The following GLRA2 variants were observed in gnomAD, a reference collection of about 807,000 sequenced individuals.
GLRA2 encodes glycine receptor subunit alpha-2.
Under a neutral mutation model 31.6 loss-of-function variants are expected in GLRA2, and 11 were observed. The ratio of observed to expected loss-of-function variants is 0.35; its 90% CI spans 0.22 to 0.58. The LOEUF is 0.58. Ranked by LOEUF, GLRA2 falls within the 20% of genes least tolerant of loss-of-function variation. The pLI, the probability that GLRA2 is intolerant of heterozygous loss-of-function variation, is 0.84. For missense variants in GLRA2, 212 were observed against 351.8 expected, an observed-to-expected ratio of 0.60 and a Z score of 3.18; for synonymous variants, 132 against 134.0, an observed-to-expected ratio of 0.99 and a Z score of 0.10.
the GLRA2 span, among the ~76,000 whole-genome samples, chrX:14,472,634 T>C: frequency 4.5e-5 from 5 of 111,559 alleles, no homozygotes; most frequent in Non-Finnish European, 9.4e-5. Context: ...AGGAGGTATT[T>C]GGTTTTCTGT....
chrX:14,581,257 C>G lies in GLRA2; in HGVS notation c.345C>G (p.Asp115Glu). Residue 115 changes from aspartate (D) to glutamate (E), a missense_variant, in exon 4 of 9, where the codon GAC (aspartate) becomes GAG (glutamate). This residue lies in a region of GLRA2 where 110 missense variants were observed against 232.6 expected (regional missense o/e 0.47). Transcript: ENST00000218075. ...SRLAYSEYPD[D>E]SLDLDPSMLD... ...TGGCGTACAGTGAGTACCCAGATGA[C>G]TCCCTGGACTTGGACCCATCCATGC... The G allele has an allele frequency of 8.4e-7, 1 of 1,188,742 alleles. No homozygotes were observed. The highest frequency in any genetic ancestry group is 1.1e-6 in the Non-Finnish European group (1 of 874,475).
chrX:14,598,147 ACT>A (rs902658890), intron 4 of GLRA2, among the ~76,000 whole-genome samples: 3 of 110,595 alleles, frequency 2.7e-5, no homozygotes, highest in African/African-American at 9.9e-5. Context: ...TACCCCCAAG[ACT>A]CTCTTGTTCG....
At chrX:14,463,201 G>A in the GLRA2 span, among the ~76,000 whole-genome samples, 1 of 111,570 alleles carries the variant, frequency 9.0e-6, no homozygotes, top group Non-Finnish European at 1.9e-5. Flanking sequence ...AAATGTTGCT[G>A]CCCAATACTT....
chrX:14,502,797 G>A, the GLRA2 span, among the ~76,000 whole-genome samples: 1 of 103,015 alleles, frequency 9.7e-6, no homozygotes, highest in Non-Finnish European at 2.0e-5. Flanking sequence ...ATATCATGGC[G>A]TTTTTGTACT....
chrX:14,577,127 TCA>T (rs1447102485), intron 3 of GLRA2, among the ~76,000 whole-genome samples: 1 of 112,817 alleles, frequency 8.9e-6, no homozygotes, highest in Non-Finnish European at 1.9e-5. Context: ...ATAGTCTCTG[TCA>T]CAACTATGTG....
intron 3 of GLRA2, among the ~76,000 whole-genome samples, chrX:14,580,461 C>T (rs1278402078): frequency 9.0e-6 from 1 of 111,525 alleles, no homozygotes; most frequent in Admixed American, 9.5e-5. Context: ...TGCCCCCAAG[C>T]TATTCATTAA....
chrX:14,597,208 G>A (rs1295319497), intron 4 of GLRA2, among the ~76,000 whole-genome samples: 2 of 111,630 alleles, frequency 1.8e-5, no homozygotes, highest in East Asian at 5.6e-4. Context: ...ACATGGTACA[G>A]GAAGGCCTTC....
At chrX:14,524,569 C>A (rs2089181602), upstream of GLRA2, among the ~76,000 whole-genome samples, 1 of 111,848 alleles carries the variant, frequency 8.9e-6, no homozygotes, top group Admixed American at 9.5e-5. Flanking sequence ...TTAACTTCTT[C>A]ATATTTTCAA....
chrX:14,488,455 TC>T, the GLRA2 span, among the ~76,000 whole-genome samples: 268 of 111,690 alleles, frequency 2.4e-3, no homozygotes, highest in African/African-American at 8.3e-3. Flanking sequence ...AAGAGGTGTT[TC>T]CCTCACTTTA....
At chrX:14,563,008 A>C (rs1174041009) in intron 2 of GLRA2, among the ~76,000 whole-genome samples, 1 of 112,631 alleles carries the variant, frequency 8.9e-6, no homozygotes, top group Non-Finnish European at 1.9e-5. Context: ...TTACAATTGA[A>C]ATATACAATA....
intron 2 of GLRA2, among the ~76,000 whole-genome samples, chrX:14,564,045 A>C (rs1173549825): frequency 9.0e-6 from 1 of 111,587 alleles, no homozygotes; most frequent in Non-Finnish European, 1.9e-5. Flanking sequence ...TGAATAAAAA[A>C]ATTTTGAGAA....
the GLRA2 span, among the ~76,000 whole-genome samples, chrX:14,494,690 G>T: frequency 9.0e-6 from 1 of 111,458 alleles, no homozygotes; most frequent in African/African-American, 3.3e-5. Context: ...GAATGGAAGT[G>T]GAAGAGACGG....
intron 7 of GLRA2, among the ~76,000 whole-genome samples, chrX:14,628,895 CACTGATT>C (rs766026781): frequency 9.0e-6 from 1 of 111,199 alleles, no homozygotes; most frequent in Non-Finnish European, 1.9e-5. Flanking sequence ...AAAAGGGCTG[CACTGATT>C]ACTGTGTAGA....
intron 8 of GLRA2, among the ~76,000 whole-genome samples, chrX:14,696,799 T>C (rs1013373304): frequency 4.5e-5 from 5 of 112,141 alleles, no homozygotes; most frequent in Non-Finnish European, 7.5e-5. Context: ...GAGATGCCAG[T>C]TGGCAGTTAC....
At chrX:14,553,455 T>C (rs763837011) in intron 2 of GLRA2, among the ~76,000 whole-genome samples, 1 of 111,823 alleles carries the variant, frequency 8.9e-6, no homozygotes, top group South Asian at 3.8e-4. Flanking sequence ...TTAAACACTA[T>C]TGTTATTATC....
At chrX:14,601,006 TTTTTTTG>T (rs2090265084) in intron 4 of GLRA2, among the ~76,000 whole-genome samples, 1 of 67,352 alleles carries the variant, frequency 1.5e-5, no homozygotes, top group Non-Finnish European at 3.1e-5. Flanking sequence ...TTGTTGTTTT[TTTTTTTG>T]TTTGTTTGTT....
At chrX:14,653,097 A>G (rs2090905947) in intron 7 of GLRA2, among the ~76,000 whole-genome samples, 1 of 111,809 alleles carries the variant, frequency 8.9e-6, no homozygotes, top group African/African-American at 3.3e-5. Context: ...TTGACAATGT[A>G]CCTGGTCACC....
intron 2 of GLRA2, among the ~76,000 whole-genome samples, chrX:14,561,520 A>G (rs980631218): frequency 8.9e-6 from 1 of 112,471 alleles, no homozygotes. Context: ...TTGAGTAGTT[A>G]TGACAGAGGC....
chrX:14,686,199 T>C (rs1180868091), intron 7 of GLRA2, among the ~76,000 whole-genome samples: 1 of 112,020 alleles, frequency 8.9e-6, no homozygotes, highest in African/African-American at 3.2e-5. Flanking sequence ...ATTTCTGTTC[T>C]TTTACATTTG....
Sources: allele counts gnomAD v4.1 joint callset (sites outside exome capture counted in the v4.1 genomes callset), GRCh38; gene constraint gnomAD v4.1.1; regional missense constraint gnomAD v4.1.1; transcripts MANE v1.5; gene names NCBI Gene and HGNC (gene_info 2026-07-23, HGNC 2026-07-21).